IL1RAP: variants seen among roughly 807,000 people sequenced by gnomAD.
IL1RAP encodes the protein interleukin 1 receptor accessory protein.
IL1RAP carries 35 observed loss-of-function variants against 60.7 expected under a neutral mutation model. The ratio of observed to expected loss-of-function variants is 0.58; its 90% CI spans 0.44 to 0.76. The LOEUF (loss-of-function observed/expected upper bound fraction) is 0.76. IL1RAP is among the 30% of genes least tolerant of loss of function. The pLI, the probability that IL1RAP is intolerant of heterozygous loss-of-function variation, is 0.00. For synonymous variants in IL1RAP, 268 were observed against 250.9 expected (o/e 1.07, Z -0.64); for missense variants, 572 against 693.9 (o/e 0.82, Z 1.97).
rs2108817991 is a variant in IL1RAP at position 190,629,414 on chromosome 3, T to G, written c.967T>G (p.Ser323Ala). 6.2e-7 allele frequency: 1 copy of G among 1,613,910 alleles called. No homozygotes were observed. Among genetic ancestry groups the G allele is most frequent in the South Asian group, 1.1e-5 (1 of 91,046 alleles). The change falls in exon 9 of 12, where the codon TCT (serine) becomes GCT (alanine). Residue 323 changes from serine (S) to alanine (A), a missense_variant. Physicochemically the swap from Ser to Ala is moderately conservative, Grantham distance 99. Coordinates refer to ENST00000447382, the MANE Select transcript of IL1RAP (RefSeq NM_002182.4). Reference protein sequence around the residue: ...TQILSIKKVTSEDLKRSYVCH... With the variant: ...TQILSIKKVTAEDLKRSYVCH... ...GATTTTGAGCATCAAGAAAGTTACC[T>G]CTGAGGATCTCAAGCGCAGCTATGT...
intron 3 of IL1RAP, among the ~76,000 whole-genome samples, chr3:190,576,963 C>A (rs1019208280): frequency 1.3e-5 from 2 of 151,720 alleles, no homozygotes; most frequent in Non-Finnish European, 2.9e-5. Context: ...TAGCCGGGCG[C>A]GGTGGCGGGC....
chr3:190,643,805 A>G (rs1733822143), intron 9 of IL1RAP, among the ~76,000 whole-genome samples: 1 of 152,210 alleles, frequency 6.6e-6, no homozygotes, highest in Non-Finnish European at 1.5e-5. Flanking sequence ...TTTTTACTCA[A>G]ATCAGCTGCA....
chr3:190,581,491 C>T (rs972025856), intron 3 of IL1RAP, among the ~76,000 whole-genome samples: 8 of 152,114 alleles, frequency 5.3e-5, no homozygotes, highest in East Asian at 1.9e-4. Flanking sequence ...GGGTGCTTGC[C>T]GACAAGAATC....
chr3:190,603,810 C>T (rs1427691038), intron 3 of IL1RAP, among the ~76,000 whole-genome samples: 3 of 152,198 alleles, frequency 2.0e-5, no homozygotes, highest in Non-Finnish European at 4.4e-5. Flanking sequence ...AAACCATTCT[C>T]TGTTCCACAA....
chr3:190,565,734 A>G (rs1560173699), intron 3 of IL1RAP, among the ~76,000 whole-genome samples: 1 of 152,146 alleles, frequency 6.6e-6, no homozygotes, highest in Non-Finnish European at 1.5e-5. Context: ...CGCGTTTGAT[A>G]GGTGAGTTTC....
In IL1RAP at chr3:190,601,110, G is replaced by A. The variant is rs147230069; in HGVS notation, c.65-3018G>A. On this transcript the variant is annotated intron_variant, in intron 3 of 11. Coordinates refer to ENST00000447382, the MANE Select transcript of IL1RAP (RefSeq NM_002182.4). ...AGCAAGTCTCCTGCCTCAGCTTTCC[G>A]AGCAGCTGGAATTACAGGCCTCTGC... Among the ~76,000 whole-genome samples, 66 of 152,056 alleles carry A rather than the reference G, an allele frequency of 4.3e-4. No individual in the cohort carries two copies. In the East Asian group the frequency reaches 5.6e-3, roughly 13 times the overall value.
intron 1 of IL1RAP, among the ~76,000 whole-genome samples, chr3:190,541,152 G>C (rs1035435508): frequency 1.3e-5 from 2 of 151,804 alleles, no homozygotes; most frequent in African/African-American, 4.8e-5. Flanking sequence ...CCAAAGTTAG[G>C]GCCCAACTCT....
chr3:190,644,531 AT>A (rs1333545755), intron 10 of IL1RAP, 134 bp downstream of exon 10: 2 of 681,672 alleles, frequency 2.9e-6, no homozygotes, highest in Non-Finnish European at 4.9e-6. Flanking sequence ...ATTAACTTTA[AT>A]TTCAACCGTT....
At chr3:190,559,422 T>A (rs963187418) in intron 2 of IL1RAP, among the ~76,000 whole-genome samples, 1 of 152,158 alleles carries the variant, frequency 6.6e-6, no homozygotes, top group African/African-American at 2.4e-5. Flanking sequence ...TTATTATGCT[T>A]GTTTCATTTA....
At chr3:190,640,126 C>G (rs1733548192) in intron 9 of IL1RAP, among the ~76,000 whole-genome samples, 2 of 152,226 alleles carry the variant, frequency 1.3e-5, no homozygotes. Flanking sequence ...TCAACAGCAG[C>G]CTTGAACTCT....
At chr3:190,574,150 G>A (rs1322032574) in intron 3 of IL1RAP, among the ~76,000 whole-genome samples, 3 of 151,068 alleles carry the variant, frequency 2.0e-5, no homozygotes, top group Non-Finnish European at 4.4e-5. Context: ...TTGATGATAC[G>A]GAACACACAT....
At chr3:190,553,529 T>C (rs1725056569) in intron 1 of IL1RAP, among the ~76,000 whole-genome samples, 1 of 152,036 alleles carries the variant, frequency 6.6e-6, no homozygotes, top group African/African-American at 2.4e-5. Context: ...TCCAATGGGG[T>C]TGAACCCCTT....
chr3:190,593,264 G>A (rs1019263869), intron 3 of IL1RAP, among the ~76,000 whole-genome samples: 1 of 151,970 alleles, frequency 6.6e-6, no homozygotes, highest in Non-Finnish European at 1.5e-5. Context: ...ATGAACACGG[G>A]TTTGTATGCA....
intron 9 of IL1RAP, chr3:190,629,730 A>C: frequency 8.1e-7 from 1 of 1,239,900 alleles, no homozygotes; most frequent in Non-Finnish European, 1.0e-6. Context: ...TAGCTAAAAA[A>C]ATCGACGTGA....
chr3:190,523,407 G>A (rs1378688844), intron 1 of IL1RAP, among the ~76,000 whole-genome samples: 5 of 151,960 alleles, frequency 3.3e-5, no homozygotes, highest in African/African-American at 1.2e-4. Flanking sequence ...TACATGTGCA[G>A]GTTTGTTACA....
chr3:190,522,770 G>A (rs1450389934), intron 1 of IL1RAP, among the ~76,000 whole-genome samples: 3 of 152,166 alleles, frequency 2.0e-5, no homozygotes, highest in Non-Finnish European at 4.4e-5. Flanking sequence ...AATTAGACCA[G>A]TGATAAATTG....
chr3:190,617,377 G>T (rs1731369592), intron 5 of IL1RAP, among the ~76,000 whole-genome samples: 2 of 152,148 alleles, frequency 1.3e-5, no homozygotes, highest in African/African-American at 4.8e-5. Flanking sequence ...TCAGTTGAAA[G>T]ATCCCAAAGT....
At chr3:190,655,456 G>A (rs575832822), downstream of IL1RAP, among the ~76,000 whole-genome samples, 10 of 152,184 alleles carry the variant, frequency 6.6e-5, no homozygotes, top group African/African-American at 1.9e-4. Flanking sequence ...TAACATTTGC[G>A]AGGAAGAAGA....
At chr3:190,533,545 T>G (rs1723167707) in intron 1 of IL1RAP, among the ~76,000 whole-genome samples, 1 of 152,160 alleles carries the variant, frequency 6.6e-6, no homozygotes, top group Non-Finnish European at 1.5e-5. Flanking sequence ...AGAAGGGGAC[T>G]TAGGATGAGG....
Sources: gnomAD v4.1 joint callset for allele counts (sites outside exome capture counted in the v4.1 genomes callset) on GRCh38, gnomAD v4.1.1 for gene constraint, MANE v1.5 for transcripts, NCBI Gene and HGNC (gene_info 2026-07-23, HGNC 2026-07-21) for gene names.